Variants in MAP3K9 observed in about 807,000 individuals in gnomAD.
MAP3K9 encodes mixed lineage kinase 1 (tyr and ser/thr specificity).
A neutral mutation model predicts 95.8 loss-of-function variants in MAP3K9; 46 were observed. That is an observed-to-expected ratio of 0.48 (90% CI 0.38 to 0.61). The LOEUF is 0.61. Among genes scored for constraint, MAP3K9 ranks in the 20% least tolerant of loss-of-function variants. The pLI, the probability that MAP3K9 is intolerant of heterozygous loss-of-function variation, is 0.00. For missense variants in MAP3K9, 1,296 were observed against 1,474.3 expected (o/e 0.88, Z 1.98); for synonymous variants, 533 against 593.8 (o/e 0.90, Z 1.49).
intron 1 of MAP3K9, among the ~76,000 whole-genome samples, chr14:70,802,940 C>T (rs1005610411): frequency 4.6e-5 from 7 of 152,046 alleles, no homozygotes; most frequent in Non-Finnish European, 7.4e-5. Flanking sequence ...CCAGTGCTGG[C>T]GGTGGGGCCT....
intron 2 of MAP3K9, among the ~76,000 whole-genome samples, chr14:70,794,464 C>T (rs2054840168): frequency 6.6e-6 from 1 of 152,004 alleles, no homozygotes; most frequent in Admixed American, 6.6e-5. Context: ...AATGAAATAC[C>T]CCAGCTGTCC....
chr14:70,792,819 G>C (rs1042732549), intron 2 of MAP3K9, among the ~76,000 whole-genome samples: 1 of 152,206 alleles, frequency 6.6e-6, no homozygotes, highest in Non-Finnish European at 1.5e-5. Flanking sequence ...GTGTGGTCCA[G>C]GTATACTCCA....
chr14:70,735,697 T>C (rs1292525078), intron 9 of MAP3K9, among the ~76,000 whole-genome samples: 1 of 152,180 alleles, frequency 6.6e-6, no homozygotes, highest in Non-Finnish European at 1.5e-5. Flanking sequence ...AATAGCCACA[T>C]ATCTAAGCCT....
chr14:70,790,527 A>G (rs1348911429), intron 2 of MAP3K9, among the ~76,000 whole-genome samples: 1 of 152,180 alleles, frequency 6.6e-6, no homozygotes, highest in Non-Finnish European at 1.5e-5. Flanking sequence ...TTTCCACTGC[A>G]CCAGAACACC....
intron 9 of MAP3K9, 90 bp from the exon 10 acceptor site, chr14:70,734,588 T>C: frequency 2.7e-6 from 2 of 732,238 alleles, no homozygotes; most frequent in Middle Eastern, 2.4e-4. Flanking sequence ...CGTTTCTCCC[T>C]GCCTGCTTCA....
chr14:70,764,039 A>G, intron 2 of MAP3K9, among the ~76,000 whole-genome samples: 2 of 144,426 alleles, frequency 1.4e-5, no homozygotes, highest in African/African-American at 5.2e-5. Context: ...CAAAAAAATT[A>G]GCTGGGCGCG....
At chr14:70,792,285 A>C (rs2054815695) in intron 2 of MAP3K9, among the ~76,000 whole-genome samples, 1 of 152,136 alleles carries the variant, frequency 6.6e-6, no homozygotes, top group South Asian at 2.1e-4. Flanking sequence ...AAATCCTCAA[A>C]ACACATCCAT....
chr14:70,760,538 C>T (rs189655280), intron 3 of MAP3K9, among the ~76,000 whole-genome samples: 242 of 152,184 alleles, frequency 1.6e-3, no homozygotes, highest in Non-Finnish European at 2.8e-3. Flanking sequence ...TCAAGAAAAA[C>T]GAGATTGCAC....
intron 2 of MAP3K9, among the ~76,000 whole-genome samples, chr14:70,761,749 C>T (rs1218048623): frequency 6.6e-6 from 1 of 152,188 alleles, no homozygotes; most frequent in Non-Finnish European, 1.5e-5. Flanking sequence ...TTTTTGTAGA[C>T]CTTTTTTTTG....
Position 70,768,467 on chromosome 14 carries a change from C to T in MAP3K9, c.821-7285G>A, listed in dbSNP as rs192306045. On this transcript the variant is annotated intron_variant, in intron 2 of 11. Transcript: ENST00000554752. Reference sequence around the variant, plus strand: ...TCAAAATGCTGAGCCTAAGGCCTGCCTTCTCTGCTTGAGAAGAAAGATTTG... The same window carrying T: ...TCAAAATGCTGAGCCTAAGGCCTGCTTTCTCTGCTTGAGAAGAAAGATTTG... Among the ~76,000 whole-genome samples, 31 of 152,122 alleles carry T rather than the reference C, an allele frequency of 2.0e-4. No individual in the cohort carries two copies. The East Asian group carries it at 5.4e-3, about 27-fold the overall frequency.
At chr14:70,793,846 G>A (rs12883168) in intron 2 of MAP3K9, among the ~76,000 whole-genome samples, 8,679 of 152,226 alleles carry the variant, frequency 0.057, 349 homozygotes, top group Middle Eastern at 0.12. Context: ...AGGCCAGCAC[G>A]GTGTTTTGTT....
intron 1 of MAP3K9, among the ~76,000 whole-genome samples, chr14:70,803,596 C>T (rs1387732782): frequency 6.6e-6 from 1 of 152,162 alleles, no homozygotes; most frequent in Non-Finnish European, 1.5e-5. Flanking sequence ...GCACCTCTAT[C>T]CCATCTGAGG....
chr14:70,744,665 C>T (rs1278976238), intron 5 of MAP3K9, among the ~76,000 whole-genome samples: 1 of 152,200 alleles, frequency 6.6e-6, no homozygotes, highest in African/African-American at 2.4e-5. Flanking sequence ...CAGGCACTTG[C>T]TCTAGAACCA....
At chr14:70,751,594 C>T (rs1460433015) in intron 3 of MAP3K9, among the ~76,000 whole-genome samples, 5 of 152,002 alleles carry the variant, frequency 3.3e-5, no homozygotes, top group Non-Finnish European at 7.4e-5. Context: ...TGGTGCATGC[C>T]TGTAATCCCA....
At chr14:70,765,500 A>T in intron 2 of MAP3K9, 4 of 681,340 alleles carry the variant, frequency 5.9e-6, no homozygotes, top group Non-Finnish European at 1.1e-5. Context: ...GTAAAGAAGT[A>T]CCATTTTTTA....
chr14:70,782,387 T>C lies in MAP3K9; in HGVS notation c.820+18280A>G, dbSNP rs146163363. 6.4e-3 allele frequency among the ~76,000 whole-genome samples: 969 copies of C among 152,318 alleles called. 11 individuals are homozygous for C. The highest frequency in any genetic ancestry group is 0.021 in the African/African-American group (881 of 41,556). The stretch of plus-strand genomic sequence containing the variant: ...TACAAAAAGAAAACATTCCAGGCTC[T>C]GTGACCTGCACTTCACCCCAGGCAT... On this transcript the variant is annotated intron_variant, in intron 2 of 11. Coordinates refer to ENST00000554752, the MANE Select transcript of MAP3K9 (RefSeq NM_001284230.2).
At chr14:70,749,830 A>T in intron 4 of MAP3K9, 103 bp downstream of exon 4, 2 of 1,398,360 alleles carry the variant, frequency 1.4e-6, no homozygotes, top group African/African-American at 2.9e-5. Flanking sequence ...CTGAAACTTT[A>T]TCTCCTCTTT....
At chr14:70,806,123 G>T (rs2054986999) in intron 1 of MAP3K9, among the ~76,000 whole-genome samples, 1 of 152,128 alleles carries the variant, frequency 6.6e-6, no homozygotes, top group South Asian at 2.1e-4. Flanking sequence ...AAGTGTCAGT[G>T]GCTCAATTTC....
chr14:70,757,909 G>T (rs144969420), intron 3 of MAP3K9, among the ~76,000 whole-genome samples: 38 of 152,104 alleles, frequency 2.5e-4, no homozygotes, highest in African/African-American at 8.9e-4. Flanking sequence ...AGTCAAAATG[G>T]ATCAGAGACA....
Sources: gnomAD v4.1 joint callset for allele counts (sites outside exome capture counted in the v4.1 genomes callset) on GRCh38, gnomAD v4.1.1 for gene constraint, MANE v1.5 for transcripts, NCBI Gene and HGNC (gene_info 2026-07-23, HGNC 2026-07-21) for gene names.